The following ASTN2 variants were observed in gnomAD, a reference collection of about 807,000 sequenced individuals.
ASTN2 encodes the protein astrotactin 2.
A neutral mutation model predicts 139.8 loss-of-function variants in ASTN2; 54 were observed. The observed-to-expected ratio is 0.39, with a 90% CI of 0.31 to 0.48. ASTN2 has a LOEUF of 0.48. Ranked by LOEUF, ASTN2 falls within the 20% of genes least tolerant of loss-of-function variation. The pLI is 0.95. For missense variants in ASTN2, 1,565 were observed against 1,725.1 expected, an observed-to-expected ratio of 0.91 and a Z score of 1.64; for synonymous variants, 756 against 719.5, an observed-to-expected ratio of 1.05 and a Z score of -0.81.
intron 5 of ASTN2, among the ~76,000 whole-genome samples, chr9:117,054,866 G>A (rs1839013429): frequency 6.6e-6 from 1 of 152,192 alleles, no homozygotes; most frequent in African/African-American, 2.4e-5. Flanking sequence ...GACTGCAGGA[G>A]GTGGGGGAGT....
chr9:116,712,088 CTA>C (rs1046761887), intron 16 of ASTN2, among the ~76,000 whole-genome samples: 3 of 152,206 alleles, frequency 2.0e-5, no homozygotes, highest in Non-Finnish European at 4.4e-5. Flanking sequence ...TCCTGTCCAT[CTA>C]TCTTTCTAGG....
At chr9:117,189,859 C>A (rs1831301539) in intron 3 of ASTN2, among the ~76,000 whole-genome samples, 1 of 152,214 alleles carries the variant, frequency 6.6e-6, no homozygotes, top group Non-Finnish European at 1.5e-5. Flanking sequence ...CTAGACTAAT[C>A]TGTGCATCCC....
At position 117,171,849 on chromosome 9, in the gene ASTN2, G is replaced by A. The variant is rs376554627; in HGVS notation, c.1016-30371C>T. Among the ~76,000 whole-genome samples the A allele has an allele frequency of 1.2e-4, 19 of 152,102 alleles. 1 individual carries two copies. Among genetic ancestry groups the A allele is most frequent in the African/African-American group, 4.3e-4 (18 of 41,462 alleles). On this transcript the variant is annotated intron_variant, in intron 3 of 22. Transcript: ENST00000313400. The stretch of plus-strand genomic sequence containing the variant: ...CGAGCCTTGGGCACTTTTTATAGCA[G>A]TGTGAAAATGAACTAATACACTATC...
intron 16 of ASTN2, among the ~76,000 whole-genome samples, chr9:116,657,277 A>C (rs1191995842): frequency 6.6e-6 from 1 of 152,164 alleles, no homozygotes; most frequent in African/African-American, 2.4e-5. Context: ...TAATAGTACC[A>C]ACCTAAAAGA....
At chr9:116,658,558 A>G (rs1316830670) in intron 16 of ASTN2, among the ~76,000 whole-genome samples, 1 of 152,074 alleles carries the variant, frequency 6.6e-6, no homozygotes, top group Admixed American at 6.6e-5. Context: ...ACAAAGAGAA[A>G]TGGCACTGTT....
chr9:116,979,590 C>T (rs549697743), intron 7 of ASTN2, among the ~76,000 whole-genome samples: 3 of 152,076 alleles, frequency 2.0e-5, no homozygotes, highest in Non-Finnish European at 2.9e-5. Context: ...ACTTTAAACA[C>T]GTCTAATATT....
In ASTN2 at chr9:116,962,878, T is replaced by C. The variant is rs1835909882; in HGVS notation, c.1889+12330A>G. 3.3e-5 allele frequency among the ~76,000 whole-genome samples: 5 copies of C among 152,318 alleles called. 1 individual carries two copies. Among genetic ancestry groups the C allele is most frequent in the Middle Eastern group, 6.8e-3 (2 of 294 alleles). ...ATACTTTGAGATAGCGTAAAGGTGT[T>C]TGTTAAGCAATTTAGTAGTAATATC... On this transcript the variant is annotated intron_variant, in intron 10 of 22. Transcript: ENST00000313400.
At chr9:117,039,761 C>T in intron 6 of ASTN2, 58 bp downstream of exon 6, 5 of 1,531,248 alleles carry the variant, frequency 3.3e-6, no homozygotes, top group South Asian at 1.3e-5. Flanking sequence ...AACCTTTGAC[C>T]AGTCAGGGGT....
chr9:117,205,177 G>A (rs908680980), intron 3 of ASTN2, among the ~76,000 whole-genome samples: 12 of 152,196 alleles, frequency 7.9e-5, no homozygotes, highest in Non-Finnish European at 2.9e-5. Flanking sequence ...TGATGGACAA[G>A]GGGAATATTC....
chr9:116,641,772 A>G (rs1857342898), intron 17 of ASTN2, among the ~76,000 whole-genome samples: 1 of 152,120 alleles, frequency 6.6e-6, no homozygotes, highest in South Asian at 2.1e-4. Context: ...GCAGGTAGAC[A>G]AGCCAAGTAT....
chr9:117,392,078 C>T (rs1830557146), intron 1 of ASTN2, among the ~76,000 whole-genome samples: 1 of 152,128 alleles, frequency 6.6e-6, no homozygotes, highest in Admixed American at 6.5e-5. Flanking sequence ...AGAGAAGAGG[C>T]ATGATTTGAT....
rs533088473 is a variant in ASTN2 at position 116,641,500 on chromosome 9, G to A, written c.3072+10028C>T. ...TGGACTTGATGAGAGGGTTCAGTGA[G>A]CCAAGTACATAAAGTGCTTTAGCTA... On this transcript the variant is annotated intron_variant, in intron 17 of 22. Transcript: ENST00000313400. Among the ~76,000 whole-genome samples, 117 of 152,240 alleles carry A rather than the reference G, an allele frequency of 7.7e-4. 1 individual carries two copies. The highest frequency in any genetic ancestry group is 1.6e-3 in the Non-Finnish European group (110 of 68,008).
At chr9:116,760,283 T>A (rs1829642397) in intron 13 of ASTN2, among the ~76,000 whole-genome samples, 1 of 152,164 alleles carries the variant, frequency 6.6e-6, no homozygotes. Flanking sequence ...TGTCTCAGTG[T>A]TAAGACTATT....
rs528210552 is a variant in ASTN2 at position 117,256,035 on chromosome 9, C to T, written c.630+35291G>A. On this transcript the variant is annotated intron_variant, in intron 2 of 22. Transcript: ENST00000313400. The stretch of plus-strand genomic sequence containing the variant: ...TGTCCACAAGAATAAAATCCTTTCA[C>T]TTGGATCACTAACAAAACACTGCCT... Among the ~76,000 whole-genome samples, 59 of 152,308 alleles carry T rather than the reference C, an allele frequency of 3.9e-4. 1 individual carries two copies. The highest frequency in any genetic ancestry group is 1.4e-3 in the African/African-American group (59 of 41,572).
intron 5 of ASTN2, among the ~76,000 whole-genome samples, chr9:117,053,935 C>T (rs529584574): frequency 6.6e-6 from 1 of 151,592 alleles, no homozygotes; most frequent in Non-Finnish European, 1.5e-5. Flanking sequence ...AGACCACTAA[C>T]ATTTTAGCAA....
intron 2 of ASTN2, among the ~76,000 whole-genome samples, chr9:117,268,804 A>C (rs1477186806): frequency 6.6e-6 from 1 of 152,198 alleles, no homozygotes; most frequent in Non-Finnish European, 1.5e-5. Flanking sequence ...CTGGGGCCCC[A>C]GTCTCAAGTC....
At chr9:116,772,114 A>G (rs1829966459) in intron 13 of ASTN2, among the ~76,000 whole-genome samples, 1 of 152,246 alleles carries the variant, frequency 6.6e-6, no homozygotes, top group African/African-American at 2.4e-5. Context: ...AAAGTTGATA[A>G]GGAACCCAAT....
At chr9:117,016,684 G>T (rs1371243062) in intron 6 of ASTN2, among the ~76,000 whole-genome samples, 12 of 112,438 alleles carry the variant, frequency 1.1e-4, no homozygotes, top group South Asian at 2.7e-4. Context: ...ATATATATAG[G>T]TTATATATAT....
intron 1 of ASTN2, among the ~76,000 whole-genome samples, chr9:117,296,423 T>C (rs1834739457): frequency 6.6e-6 from 1 of 152,054 alleles, no homozygotes; most frequent in Admixed American, 6.6e-5. Flanking sequence ...AGAAAACCAG[T>C]CCTGTGTCCC....
Sources: allele counts gnomAD v4.1 joint callset (sites outside exome capture counted in the v4.1 genomes callset), GRCh38; gene constraint gnomAD v4.1.1; transcripts MANE v1.5; gene names NCBI Gene and HGNC (gene_info 2026-07-23, HGNC 2026-07-21).